TRRAP: variants seen among roughly 807,000 people sequenced by gnomAD.
TRRAP encodes transformation/transcription domain associated protein.
In TRRAP, 41 loss-of-function variants were observed where a neutral mutation model predicts 438.8. The observed-to-expected ratio is 0.09, with a 90% confidence interval of 0.07 to 0.12. The LOEUF is 0.12. TRRAP is among the 10% of genes least tolerant of loss of function. The pLI, the probability that TRRAP is intolerant of heterozygous loss-of-function variation, is 1.00. For missense variants in TRRAP, 3,122 were observed against 5,055.1 expected (o/e 0.62, Z 11.60); for synonymous variants, 1,994 against 1,962.9 (o/e 1.02, Z -0.42).
Position 98,981,504 on chromosome 7 carries a change from A to G in TRRAP, c.8635-265A>G, listed in dbSNP as rs112593221. 1.7e-3 allele frequency among the ~76,000 whole-genome samples: 260 copies of G among 152,326 alleles called. 2 individuals are homozygous for G. The highest frequency in any genetic ancestry group is 6.0e-3 in the African/African-American group (250 of 41,566). ...TGATCAGTTTCTTTTCTTTGGAACAACTGATGACCTTAAAGCCAGAAGCCT... is the reference window on the plus strand; with the variant it reads ...TGATCAGTTTCTTTTCTTTGGAACAGCTGATGACCTTAAAGCCAGAAGCCT... On this transcript the variant is annotated intron_variant, in intron 58 of 72. Coordinates refer to ENST00000456197, the MANE Select transcript of TRRAP (RefSeq NM_001375524.1).
At chr7:98,998,876 A>G in intron 67 of TRRAP, 1 of 379,512 alleles carries the variant, frequency 2.6e-6, no homozygotes, top group Non-Finnish European at 4.9e-6. Context: ...AAGTCTGTTA[A>G]TTTCTCTGCC....
At chr7:98,964,069 A>G (rs1223503489) in intron 47 of TRRAP, among the ~76,000 whole-genome samples, 1 of 151,136 alleles carries the variant, frequency 6.6e-6, no homozygotes, top group Non-Finnish European at 1.5e-5. Flanking sequence ...TGATAGAGCA[A>G]GACTCGACAT....
At chr7:98,903,014 G>A (rs1796543616) in intron 11 of TRRAP, among the ~76,000 whole-genome samples, 2 of 150,204 alleles carry the variant, frequency 1.3e-5, no homozygotes, top group Middle Eastern at 3.2e-3. Flanking sequence ...GGTCACTTGA[G>A]TCAAGCTTAG....
At position 98,956,640 on chromosome 7, in the gene TRRAP, G is replaced by C. The variant is rs1791632770; in HGVS notation, c.6231+107G>C. 1 of 1,495,562 alleles carries C rather than the reference G, an allele frequency of 6.7e-7. No homozygotes were observed. The allele number at this position is 1,495,562 out of a possible 1,614,324, so 92.6% of individuals were successfully genotyped here. A position where few individuals can be genotyped will look rare whatever the true frequency, so the allele number is the denominator to read the frequency against. Reference sequence around the variant, plus strand: ...TCGGTGCTCAGCTGCATTCAGGAGAGGAAGCTGGGAACAGCCACGGTCACC... The same window carrying C: ...TCGGTGCTCAGCTGCATTCAGGAGACGAAGCTGGGAACAGCCACGGTCACC... On this transcript the variant is annotated intron_variant, in intron 43 of 72. Transcript: ENST00000456197. This position sits in a 1 kb window ranked among gnomAD's most constrained non-coding sequence, Gnocchi z 4.5.
Position 98,983,364 on chromosome 7 carries a change from C to T in TRRAP, c.8927C>T (p.Thr2976Met), listed in dbSNP as rs750756419. ...GRNNSLHDMK[T>M]VVKTWRNRLP... Reference sequence around the variant, plus strand: ...AACAACAGCCTGCACGACATGAAGACGGTGGTGAAGACCTGGAGGAACCGA... The same window carrying T: ...AACAACAGCCTGCACGACATGAAGATGGTGGTGAAGACCTGGAGGAACCGA... The change falls in exon 60 of 73, where the codon ACG (threonine) becomes ATG (methionine). Residue 2976 changes from threonine (T) to methionine (M), a missense_variant. Thr to Met is a moderately conservative substitution (Grantham distance 81). Around this residue, in one of 24 missense-constraint regions of TRRAP, gnomAD observed 129 missense variants for 279.2 expected, o/e 0.46. Coordinates refer to ENST00000456197, the MANE Select transcript of TRRAP (RefSeq NM_001375524.1). 1.2e-6 allele frequency: 2 copies of T among 1,614,202 alleles called. No homozygotes were observed. Among genetic ancestry groups the T allele is most frequent in the Admixed American group, 1.7e-5 (1 of 60,022 alleles).
At chr7:98,896,989 C>T (rs1796240588) in intron 7 of TRRAP, among the ~76,000 whole-genome samples, 2 of 152,010 alleles carry the variant, frequency 1.3e-5, no homozygotes, top group Admixed American at 1.3e-4. Flanking sequence ...AATCCCAGTA[C>T]TTTGGGAGGC....
chr7:98,989,600 A>G (rs187987576), intron 63 of TRRAP, among the ~76,000 whole-genome samples: 17 of 152,376 alleles, frequency 1.1e-4, no homozygotes, highest in African/African-American at 3.8e-4. Context: ...TCCTTGATTT[A>G]ACATAAAAAT....
At chr7:98,965,955 A>C (rs1792134195) in intron 49 of TRRAP, 60 bp downstream of exon 49, 3 of 1,581,522 alleles carry the variant, frequency 1.9e-6, no homozygotes, top group Non-Finnish European at 2.6e-6. Flanking sequence ...TCAAGCCTCA[A>C]CATCTTGGTC....
At position 99,008,564 on chromosome 7, in the gene TRRAP, A is replaced by G; in HGVS notation, c.10938+3A>G. 1 of 1,613,194 alleles carries G rather than the reference A, an allele frequency of 6.2e-7. No homozygotes were observed. Among genetic ancestry groups the G allele is most frequent in the Non-Finnish European group, 8.5e-7 (1 of 1,179,854 alleles). The stretch of plus-strand genomic sequence containing the variant: ...GGGGAACCCAAGCCAGCCACCAGGT[A>G]GCAGTGGGGCCGGGCCGGGGGCCGA... On this transcript the variant is annotated splice_donor_region_variant and intron_variant, in intron 70 of 72. Coordinates refer to ENST00000456197, the MANE Select transcript of TRRAP (RefSeq NM_001375524.1).
Position 98,978,201 on chromosome 7 carries a change from C to CT in TRRAP, c.8386-3dup. 1 of 1,604,998 alleles carries CT rather than the reference C, an allele frequency of 6.2e-7. No homozygotes were observed. The highest frequency in any genetic ancestry group is 1.3e-5 in the African/African-American group (1 of 74,540). The stretch of plus-strand genomic sequence containing the variant: ...TTAAACAGTGATTTAAAAACATTAA[C>CT]TTTTTTTAGGCACAAGAATCCTATG... On this transcript the variant is annotated splice_polypyrimidine_tract_variant and intron_variant, in intron 56 of 72. Coordinates refer to ENST00000456197, the MANE Select transcript of TRRAP (RefSeq NM_001375524.1).
chr7:98,930,973 T>A, intron 25 of TRRAP, 143 bp downstream of exon 25: 2 of 1,124,862 alleles, frequency 1.8e-6, no homozygotes, highest in African/African-American at 1.6e-5. Context: ...GCATCTTCAC[T>A]AAAAGGACAG....
At chr7:98,934,802 G>C (rs1432601339) in intron 27 of TRRAP, among the ~76,000 whole-genome samples, 2 of 152,142 alleles carry the variant, frequency 1.3e-5, no homozygotes, top group African/African-American at 4.8e-5. Context: ...TATGTGAGGA[G>C]AGTATTTTTG....
rs149229740 is a variant in TRRAP, at chr7:99,011,171, C to T, written c.11058C>T (p.Phe3686=). The change falls in exon 71 of 73, where the codon TTC becomes TTT. Residue 3686 remains phenylalanine (F), a synonymous_variant. Transcript: ENST00000456197. This position sits in a 1 kb window ranked among gnomAD's most constrained non-coding sequence, Gnocchi z 7.1. ...ATDYWTFRKM[F]TIQLALIGFA... is the part of the protein sequence containing the mutation. ...ACTACTGGACGTTCCGGAAGATGTTCACCATCCAGCTGGCTCTGATAGGCT... is the reference window on the plus strand; with the variant it reads ...ACTACTGGACGTTCCGGAAGATGTTTACCATCCAGCTGGCTCTGATAGGCT... 1 of 1,614,054 alleles carries T rather than the reference C, an allele frequency of 6.2e-7. No individual in the cohort carries two copies. The highest frequency in any genetic ancestry group is 8.5e-7 in the Non-Finnish European group (1 of 1,180,040).
intron 30 of TRRAP, 105 bp from the exon 31 acceptor site, chr7:98,942,844 C>A: frequency 8.5e-7 from 1 of 1,182,382 alleles, no homozygotes; most frequent in Non-Finnish European, 1.2e-6. Context: ...GGAAACACTG[C>A]AGTTCTCACA....
chr7:99,012,341 C>A lies in TRRAP; in HGVS notation c.11608C>A (p.His3870Asn). 1 of 1,601,530 alleles carries A rather than the reference C, an allele frequency of 6.2e-7. No individual in the cohort carries two copies. The highest frequency in any genetic ancestry group is 1.3e-5 in the African/African-American group (1 of 74,708). ...TCTGTGCCGCATGGACCCCGCCTGG[C>A]ACCCCTGGCTGTGACTGTGGCCGCC... Reference protein sequence around the residue: ...DNLCRMDPAWHPWL With the variant: ...DNLCRMDPAWNPWL Residue 3870 changes from histidine to asparagine, a missense_variant, in exon 73 of 73, where the codon CAC (histidine) becomes AAC (asparagine). This residue lies in a region of TRRAP where 192 missense variants were observed against 355.6 expected (regional missense o/e 0.54). Coordinates refer to ENST00000456197, the MANE Select transcript of TRRAP (RefSeq NM_001375524.1). The surrounding 1 kb of genome is among the most constrained non-coding windows in gnomAD (Gnocchi z 5.9).
At position 98,988,758 on chromosome 7, in the gene TRRAP, C is replaced by T; in HGVS notation, c.9390-7C>T. The T allele has an allele frequency of 6.2e-7, 1 of 1,613,774 alleles. No homozygotes were observed. On this transcript the variant is annotated splice_polypyrimidine_tract_variant and splice_region_variant and intron_variant, in intron 62 of 72. Coordinates refer to ENST00000456197, the MANE Select transcript of TRRAP (RefSeq NM_001375524.1). ...CATACACGTTTTGGTTTTCTGTCTC[C>T]TCACAGGTCCGAGGAGGCAAACAAA...
chr7:98,914,994 CAAAAT>C (rs1195588770), intron 18 of TRRAP, among the ~76,000 whole-genome samples: 36 of 150,176 alleles, frequency 2.4e-4, no homozygotes, highest in African/African-American at 6.9e-4. Flanking sequence ...TTTGACAAAA[CAAAAT>C]AAAAAGTTAA....
rs1554411766 is a variant in TRRAP at position 98,927,364 on chromosome 7, G to A, written c.3173G>A (p.Cys1058Tyr). The A allele has an allele frequency of 1.2e-6, 2 of 1,614,164 alleles. No individual in the cohort carries two copies. The highest frequency in any genetic ancestry group is 1.7e-6 in the Non-Finnish European group (2 of 1,180,044). ...HYTMVAVAQQ[C>Y]GPFLLPCYQV... ...ACGATGGTGGCAGTCGCCCAGCAGT[G>A]TGGTGAGCACGGGGGCACGGTGGGG... Residue 1058 changes from cysteine (C) to tyrosine (Y), a missense_variant and splice_region_variant, in exon 23 of 73, where the codon TGT (cysteine) becomes TAT (tyrosine). Cys to Tyr is a radical substitution (Grantham distance 194). Transcript: ENST00000456197.
chr7:98,907,904 G>A (rs926558277), intron 13 of TRRAP, among the ~76,000 whole-genome samples: 1 of 150,674 alleles, frequency 6.6e-6, no homozygotes, highest in African/African-American at 2.4e-5. Flanking sequence ...AGCCATGCTG[G>A]CCCCTACAGC....
Sources: gnomAD v4.1 joint callset for allele counts (sites outside exome capture counted in the v4.1 genomes callset) on GRCh38, gnomAD v4.1.1 for gene constraint, gnomAD v4.1.1 regional missense constraint, Gnocchi (gnomAD v3.1) non-coding constraint, MANE v1.5 for transcripts, NCBI Gene and HGNC (gene_info 2026-07-23, HGNC 2026-07-21) for gene names.